The following CDH18 variants were observed in gnomAD, a reference collection of about 807,000 sequenced individuals.
CDH18 encodes the protein cadherin-18.
A neutral mutation model predicts 67.9 loss-of-function variants in CDH18; 31 were observed. The ratio of observed to expected loss-of-function variants is 0.46; its 90% CI spans 0.34 to 0.62. The LOEUF is 0.62. Among genes scored for constraint, CDH18 ranks in the 20% least tolerant of loss-of-function variants. CDH18 has a pLI of 0.01. For missense variants in CDH18, 890 were observed against 975.5 expected (o/e 0.91, Z 1.17); for synonymous variants, 362 against 347.2 (o/e 1.04, Z -0.48).
chr5:19,963,177 T>C (rs1046884444), intron 2 of CDH18, among the ~76,000 whole-genome samples: 1 of 152,130 alleles, frequency 6.6e-6, no homozygotes, highest in African/African-American at 2.4e-5. Flanking sequence ...ATTCCTTACA[T>C]ACCGTCATAA....
chr5:20,339,155 T>C (rs1183926154), intron 1 of CDH18, among the ~76,000 whole-genome samples: 1 of 152,094 alleles, frequency 6.6e-6, no homozygotes, highest in East Asian at 1.9e-4. Context: ...TCTAGGTGGG[T>C]AACATCTTCA....
chr5:20,033,186 G>C (rs1282690461), intron 2 of CDH18, among the ~76,000 whole-genome samples: 1 of 151,660 alleles, frequency 6.6e-6, no homozygotes, highest in East Asian at 1.9e-4. Context: ...TAGTGACAAA[G>C]ATTGGTATCT....
intron 3 of CDH18, among the ~76,000 whole-genome samples, chr5:19,773,493 A>G (rs1773957313): frequency 6.6e-6 from 1 of 152,182 alleles, no homozygotes; most frequent in African/African-American, 2.4e-5. Flanking sequence ...AGAAAAGTGA[A>G]TCCTATTCAG....
intron 2 of CDH18, among the ~76,000 whole-genome samples, chr5:20,053,915 C>T (rs867409196): frequency 4.5e-4 from 68 of 151,978 alleles, no homozygotes; most frequent in African/African-American, 1.5e-3. Flanking sequence ...AGAAACAGTC[C>T]AGCCCCAATG....
At position 19,632,998 on chromosome 5, in the gene CDH18, T is replaced by G. The variant is rs568577805; in HGVS notation, c.644-20397A>C. The stretch of plus-strand genomic sequence containing the variant: ...CTAATTAGAAAATACAGTGTGGTGG[T>G]GTGAGTAGTGGCCAACGTAGTGTGC... On this transcript the variant is annotated intron_variant, in intron 5 of 12. Transcript: ENST00000382275. 5.9e-5 allele frequency among the ~76,000 whole-genome samples: 9 copies of G among 152,312 alleles called. No individual in the cohort carries two copies. In the South Asian group the frequency reaches 1.9e-3, roughly 32 times the overall value.
intron 1 of CDH18, among the ~76,000 whole-genome samples, chr5:20,384,191 C>A (rs1744128565): frequency 6.6e-6 from 1 of 152,068 alleles, no homozygotes; most frequent in Non-Finnish European, 1.5e-5. Flanking sequence ...GCATGACAGA[C>A]CTCTATAACT....
intron 1 of CDH18, among the ~76,000 whole-genome samples, chr5:20,345,584 A>G (rs1740632760): frequency 6.6e-6 from 1 of 152,150 alleles, no homozygotes; most frequent in Admixed American, 6.5e-5. Flanking sequence ...TGCTTATATT[A>G]TGAATGGCTT....
At chr5:19,728,749 A>C (rs1767192239) in intron 4 of CDH18, among the ~76,000 whole-genome samples, 1 of 152,174 alleles carries the variant, frequency 6.6e-6, no homozygotes, top group Non-Finnish European at 1.5e-5. Flanking sequence ...CAAGAGATTC[A>C]ATGTTGAATA....
At chr5:20,470,925 G>T (rs772107114) in intron 1 of CDH18, among the ~76,000 whole-genome samples, 13 of 152,110 alleles carry the variant, frequency 8.5e-5, no homozygotes, top group Non-Finnish European at 1.6e-4. Flanking sequence ...CTCTCTACGA[G>T]ATCGTTCCTA....
chr5:20,432,328 T>A (rs1371620175), intron 1 of CDH18, among the ~76,000 whole-genome samples: 1 of 152,162 alleles, frequency 6.6e-6, no homozygotes, highest in Non-Finnish European at 1.5e-5. Context: ...TGAGACAGAA[T>A]GATAATGTGA....
At chr5:19,794,137 A>G (rs1356380677) in intron 3 of CDH18, among the ~76,000 whole-genome samples, 1 of 152,160 alleles carries the variant, frequency 6.6e-6, no homozygotes, top group Non-Finnish European at 1.5e-5. Context: ...GCATTGCATC[A>G]TGAAATATAA....
intron 2 of CDH18, among the ~76,000 whole-genome samples, chr5:19,964,934 T>C (rs1220298455): frequency 2.0e-5 from 3 of 152,160 alleles, no homozygotes; most frequent in South Asian, 2.1e-4. Context: ...TAGCATGATA[T>C]TGAAATACTT....
Position 19,712,594 on chromosome 5 carries a change from A to T in CDH18, c.643+8753T>A, listed in dbSNP as rs538911109. Among the ~76,000 whole-genome samples the T allele has an allele frequency of 2.0e-5, 3 of 151,722 alleles. No homozygotes were observed. In the South Asian group the frequency reaches 6.2e-4, roughly 32 times the overall value. On this transcript the variant is annotated intron_variant, in intron 5 of 12. Coordinates refer to ENST00000382275, the MANE Select transcript of CDH18 (RefSeq NM_004934.5). ...TAGACTAAGTGAAAAAATAACATAG[A>T]AGCAGTGCTTGGTTGAAATATAGAA...
chr5:20,398,634 A>G (rs1180930618), intron 1 of CDH18, among the ~76,000 whole-genome samples: 1 of 152,168 alleles, frequency 6.6e-6, no homozygotes, highest in Non-Finnish European at 1.5e-5. Flanking sequence ...AAAAACCACC[A>G]CAGCACACAT....
rs149558402 is a variant in CDH18 at position 19,923,764 on chromosome 5, A to G, written c.-257+57296T>C. ...TAAATATTGTGCTCAAAGCCTTTTA[A>G]AAATCTGCAGCCAAACTTAAAGGAT... On this transcript the variant is annotated intron_variant, in intron 2 of 12. Coordinates refer to ENST00000382275, the MANE Select transcript of CDH18 (RefSeq NM_004934.5). Among the ~76,000 whole-genome samples, 1,111 of 152,310 alleles carry G rather than the reference A, an allele frequency of 7.3e-3. 16 individuals are homozygous for G. Among genetic ancestry groups the G allele is most frequent in the African/African-American group, 0.025 (1,033 of 41,574 alleles).
chr5:19,547,569 T>C (rs1736557156), intron 8 of CDH18, among the ~76,000 whole-genome samples: 1 of 152,218 alleles, frequency 6.6e-6, no homozygotes, highest in African/African-American at 2.4e-5. Context: ...CTCCTCTTTT[T>C]TAGCCACTTC....
chr5:19,841,222 T>C (rs533076787), intron 2 of CDH18, among the ~76,000 whole-genome samples: 2 of 152,150 alleles, frequency 1.3e-5, no homozygotes, highest in Non-Finnish European at 2.9e-5. Flanking sequence ...AATTTATGTT[T>C]TCAAATATTT....
At chr5:20,476,459 C>A (rs1752450677) in intron 1 of CDH18, among the ~76,000 whole-genome samples, 1 of 151,870 alleles carries the variant, frequency 6.6e-6, no homozygotes, top group African/African-American at 2.4e-5. Context: ...ATTTCTAGGA[C>A]CAAGTTTAGA....
chr5:20,191,319 T>A (rs1313404573), intron 2 of CDH18, among the ~76,000 whole-genome samples: 2 of 152,142 alleles, frequency 1.3e-5, no homozygotes, highest in Non-Finnish European at 2.9e-5. Context: ...ATCCTGCTTC[T>A]CCTTCAGCTG....
Sources: allele counts gnomAD v4.1 joint callset (sites outside exome capture counted in the v4.1 genomes callset), GRCh38; gene constraint gnomAD v4.1.1; transcripts MANE v1.5; gene names NCBI Gene and HGNC (gene_info 2026-07-23, HGNC 2026-07-21).